MARCHF1: variants seen among roughly 807,000 people sequenced by gnomAD.
MARCHF1 encodes membrane associated ring-CH-type finger 1, also known as E3 ubiquitin-protein ligase MARCHF1.
In MARCHF1, 40 loss-of-function variants were observed where a neutral mutation model predicts 54.2. The ratio of observed to expected loss-of-function variants is 0.74; its 90% CI spans 0.57 to 0.96. The LOEUF (loss-of-function observed/expected upper bound fraction) is 0.96, where lower values mean the gene tolerates loss of function less well. Among genes scored for constraint, MARCHF1 ranks in the 40% least tolerant of loss-of-function variants. The pLI is 0.00. For synonymous variants in MARCHF1, 236 were observed against 236.3 expected (o/e 1.00, Z 0.01); for missense variants, 586 against 656.5 (o/e 0.89, Z 1.17).
chr4:164,212,333 T>G (rs1031045736), intron 1 of MARCHF1, among the ~76,000 whole-genome samples: 2 of 152,110 alleles, frequency 1.3e-5, no homozygotes, highest in Non-Finnish European at 2.9e-5. Context: ...CACATCAAGG[T>G]ATCTTGTTTA....
At chr4:164,096,318 GAAAACC>G (rs928529297) in intron 2 of MARCHF1, among the ~76,000 whole-genome samples, 3 of 152,058 alleles carry the variant, frequency 2.0e-5, no homozygotes, top group South Asian at 2.1e-4. Flanking sequence ...CACAGAAACA[GAAAACC>G]AAATATTGCA....
chr4:164,348,316 C>A (rs1177742848), intron 1 of MARCHF1, among the ~76,000 whole-genome samples: 1 of 152,090 alleles, frequency 6.6e-6, no homozygotes, highest in East Asian at 1.9e-4. Flanking sequence ...AAAGATTCAT[C>A]CTGACTTGCT....
intron 1 of MARCHF1, among the ~76,000 whole-genome samples, chr4:164,149,445 A>T (rs980078881): frequency 6.6e-6 from 1 of 152,200 alleles, no homozygotes; most frequent in Non-Finnish European, 1.5e-5. Flanking sequence ...GTGGAGTAAG[A>T]AGACGTTTAA....
intron 4 of MARCHF1, among the ~76,000 whole-genome samples, chr4:163,764,488 A>G (rs1047696499): frequency 1.3e-5 from 2 of 152,108 alleles, no homozygotes; most frequent in Non-Finnish European, 2.9e-5. Context: ...ATAGTGACAT[A>G]CATGCACATC....
chr4:164,372,642 G>C (rs867601014), intron 1 of MARCHF1, among the ~76,000 whole-genome samples: 16 of 151,670 alleles, frequency 1.1e-4, no homozygotes, highest in African/African-American at 3.6e-4. Flanking sequence ...CTATAATATG[G>C]TAAAAACACC....
intron 3 of MARCHF1, among the ~76,000 whole-genome samples, chr4:163,969,856 A>C (rs960584102): frequency 6.6e-6 from 1 of 152,178 alleles, no homozygotes; most frequent in Non-Finnish European, 1.5e-5. Context: ...TTGGGGGAAA[A>C]CGTAAGGGGA....
intron 3 of MARCHF1, among the ~76,000 whole-genome samples, chr4:163,858,748 C>T (rs1044921390): frequency 2.6e-5 from 4 of 152,156 alleles, no homozygotes; most frequent in Non-Finnish European, 5.9e-5. Context: ...ACATTCATGC[C>T]TATCACTCAC....
intron 1 of MARCHF1, among the ~76,000 whole-genome samples, chr4:164,315,630 C>T (rs1734976421): frequency 6.6e-6 from 1 of 152,090 alleles, no homozygotes; most frequent in South Asian, 2.1e-4. Flanking sequence ...ACTTTAGCTG[C>T]CCCAGGCCAG....
intron 9 of MARCHF1, among the ~76,000 whole-genome samples, chr4:163,531,077 A>C (rs1487764567): frequency 6.6e-6 from 1 of 151,902 alleles, no homozygotes; most frequent in African/African-American, 2.4e-5. Flanking sequence ...AAATGACATC[A>C]ATGTTCTACA....
chr4:163,687,998 T>A (rs1179916150), intron 5 of MARCHF1, among the ~76,000 whole-genome samples: 1 of 152,174 alleles, frequency 6.6e-6, no homozygotes, highest in Non-Finnish European at 1.5e-5. Flanking sequence ...GTAGTTAATG[T>A]CTCAAAGTGG....
chr4:163,661,010 T>C (rs1743326968), intron 5 of MARCHF1, among the ~76,000 whole-genome samples: 1 of 152,040 alleles, frequency 6.6e-6, no homozygotes, highest in African/African-American at 2.4e-5. Flanking sequence ...TCCTAAAAAT[T>C]TGATAATCTT....
intron 1 of MARCHF1, among the ~76,000 whole-genome samples, chr4:164,135,678 G>A (rs1756385924): frequency 6.6e-6 from 1 of 152,182 alleles, no homozygotes; most frequent in Admixed American, 6.5e-5. Context: ...AATTCAAGAT[G>A]AGAATTGGCT....
chr4:163,713,318 T>A (rs1438655657), intron 4 of MARCHF1, among the ~76,000 whole-genome samples: 1 of 152,166 alleles, frequency 6.6e-6, no homozygotes. Context: ...TATTACTTCA[T>A]ATAGTATTCT....
intron 4 of MARCHF1, among the ~76,000 whole-genome samples, chr4:163,720,568 G>C (rs1254646919): frequency 3.9e-5 from 6 of 152,170 alleles, no homozygotes; most frequent in Non-Finnish European, 8.8e-5. Context: ...TGTGAAAAAA[G>C]TCATTGGTAG....
At chr4:163,725,154 T>C (rs868662770) in intron 4 of MARCHF1, among the ~76,000 whole-genome samples, 1 of 152,114 alleles carries the variant, frequency 6.6e-6, no homozygotes, top group Non-Finnish European at 1.5e-5. Context: ...AACTACCCCA[T>C]ATATATTAAT....
chr4:164,325,215 A>G (rs1167329795), intron 1 of MARCHF1, among the ~76,000 whole-genome samples: 1 of 151,594 alleles, frequency 6.6e-6, no homozygotes, highest in Non-Finnish European at 1.5e-5. Flanking sequence ...GGTAATAATC[A>G]AAACAATAAG....
chr4:164,208,166 C>A (rs1731666197), intron 1 of MARCHF1, among the ~76,000 whole-genome samples: 1 of 152,098 alleles, frequency 6.6e-6, no homozygotes. Flanking sequence ...ATAAAGGAAG[C>A]TTGAGAAGGG....
intron 1 of MARCHF1, among the ~76,000 whole-genome samples, chr4:164,201,184 A>T (rs1324142027): frequency 6.6e-6 from 1 of 150,956 alleles, no homozygotes; most frequent in Admixed American, 6.6e-5. Flanking sequence ...GAAATCTGAC[A>T]TGTTTTACAG....
intron 4 of MARCHF1, among the ~76,000 whole-genome samples, chr4:163,726,708 T>G (rs1745664647): frequency 6.6e-6 from 1 of 152,210 alleles, no homozygotes; most frequent in African/African-American, 2.4e-5. Context: ...GCAGTTCCAT[T>G]TTGCATTCCC....
Sources: gnomAD v4.1 joint callset for allele counts (sites outside exome capture counted in the v4.1 genomes callset) on GRCh38, gnomAD v4.1.1 for gene constraint, MANE v1.5 for transcripts, NCBI Gene and HGNC (gene_info 2026-07-23, HGNC 2026-07-21) for gene names.